Variants in CMBL observed in about 807,000 individuals in gnomAD.
CMBL encodes carboxymethylenebutenolidase homolog (Pseudomonas).
Under a neutral mutation model 28.7 loss-of-function variants are expected in CMBL, and 17 were observed. The ratio of observed to expected loss-of-function variants is 0.59; its 90% CI spans 0.41 to 0.89. CMBL has a LOEUF of 0.89. Among genes scored for constraint, CMBL ranks in the 40% least tolerant of loss-of-function variants. The pLI is 0.00. For missense variants in CMBL, 310 were observed against 298.5 expected (o/e 1.04, Z -0.28); for synonymous variants, 106 against 101.6 (o/e 1.04, Z -0.26).
chr5:10,284,494 G>A (rs1195043780), intron 4 of CMBL, among the ~76,000 whole-genome samples: 1 of 152,146 alleles, frequency 6.6e-6, no homozygotes, highest in African/African-American at 2.4e-5. Flanking sequence ...GTGCACAAGC[G>A]ACACTCATTC....
Position 10,288,608 on chromosome 5 carries a change from T to C in CMBL, c.216-79A>G, listed in dbSNP as rs990794882. 12 of 1,124,162 alleles carry C rather than the reference T, an allele frequency of 1.1e-5. No individual in the cohort carries two copies. The Admixed American group carries it at 1.6e-4, about 15-fold the overall frequency. 69.6% of individuals were successfully genotyped at this position (1,124,162 alleles called of 1,614,324 possible). ...TTTTGCTTGCATTTATTTAAAAACT[T>C]GCTACGTTGGCGATTCTGGCTCAGA... is the stretch of plus-strand genomic sequence containing the variant. On this transcript the variant is annotated intron_variant, in intron 2 of 5. Coordinates refer to ENST00000296658, the MANE Select transcript of CMBL (RefSeq NM_138809.4).
chr5:10,288,922 C>G (rs1479909674), intron 2 of CMBL, among the ~76,000 whole-genome samples: 1 of 152,220 alleles, frequency 6.6e-6, no homozygotes, highest in Non-Finnish European at 1.5e-5. Context: ...ACATGAGCCT[C>G]AGGCCAGAGG....
At chr5:10,298,628 C>T (rs1338712616) in intron 1 of CMBL, among the ~76,000 whole-genome samples, 2 of 152,178 alleles carry the variant, frequency 1.3e-5, no homozygotes, top group African/African-American at 2.4e-5. Flanking sequence ...TGCGGTGGCT[C>T]ACACCTGTAA....
rs1026572964 is a variant in CMBL at position 10,279,574 on chromosome 5, C to T, written c.*879G>A. 2 of 151,598 alleles carry T rather than the reference C, an allele frequency of 1.3e-5. No individual in the cohort carries two copies. Among genetic ancestry groups the T allele is most frequent in the Non-Finnish European group, 2.9e-5 (2 of 68,000 alleles). 9.4% of individuals were successfully genotyped at this position (151,598 alleles called of 1,614,324 possible). On this transcript the variant is annotated 3_prime_UTR_variant, in exon 6 of 6. Coordinates refer to ENST00000296658, the MANE Select transcript of CMBL (RefSeq NM_138809.4). Reference sequence around the variant, plus strand: ...TTTTTTTTTTTGAGACAGAGTCTCCCTCTGTTGTCCAGGCTGGAGTGCAGT... The same window carrying T: ...TTTTTTTTTTTGAGACAGAGTCTCCTTCTGTTGTCCAGGCTGGAGTGCAGT...
chr5:10,296,962 G>T lies in CMBL; in HGVS notation c.-19-6181C>A, dbSNP rs543334543. Among the ~76,000 whole-genome samples, 3 of 151,660 alleles carry T rather than the reference G, an allele frequency of 2.0e-5. No homozygotes were observed. In the South Asian group the frequency reaches 6.3e-4, roughly 32 times the overall value. On this transcript the variant is annotated intron_variant, in intron 1 of 5. Transcript: ENST00000296658. ...CACTTTAAGAGGCCAAAGTGGGTGG[G>T]TTGCTTGAGGCCTGGAGTTCAAAAC... is the stretch of plus-strand genomic sequence containing the variant.
chr5:10,280,923 G>A (rs1284806108), intron 5 of CMBL, among the ~76,000 whole-genome samples: 1 of 152,144 alleles, frequency 6.6e-6, no homozygotes, highest in Non-Finnish European at 1.5e-5. Flanking sequence ...ACAGGCACCC[G>A]CCACCATGCC....
At chr5:10,284,109 C>T (rs919057197) in intron 4 of CMBL, among the ~76,000 whole-genome samples, 2 of 152,202 alleles carry the variant, frequency 1.3e-5, no homozygotes, top group Admixed American at 6.5e-5. Flanking sequence ...GTGGATGGGC[C>T]TCTTTTGATA....
intron 1 of CMBL, among the ~76,000 whole-genome samples, chr5:10,304,557 G>A (rs1746965176): frequency 6.6e-6 from 1 of 152,232 alleles, no homozygotes; most frequent in Non-Finnish European, 1.5e-5. Context: ...TTTGCGGGCT[G>A]CAACACTTTA....
At position 10,286,356 on chromosome 5, in the gene CMBL, T is replaced by C. The variant is rs35489000; in HGVS notation, c.464A>G (p.Tyr155Cys). 1,304 of 1,613,726 alleles carry C rather than the reference T, an allele frequency of 8.1e-4. 9 individuals carry two copies. The African/African-American group carries it at 0.016, about 20-fold the overall frequency. Residue 155 changes from tyrosine to cysteine, a missense_variant and splice_region_variant, in exon 4 of 6, where the codon TAT becomes TGT. By Grantham distance (194) the Tyr-to-Cys change is radical. Transcript: ENST00000296658. The stretch of plus-strand genomic sequence containing the variant: ...AAAAATGCACAAGGCAGATTTACCA[T>C]AGACGGACACCCCTGCCCTGAATTC... ...YSEFRAGVSV[Y>C]GIVKDSEDIY...
In CMBL at chr5:10,279,095, G is replaced by A. The variant is rs1278083833; in HGVS notation, c.*1358C>T. ...TACGCACCCCGTAGGTGCAGGTGCAGAGTTTCTCACCGGCTCTCCCCTTTA... is the reference window on the plus strand; with the variant it reads ...TACGCACCCCGTAGGTGCAGGTGCAAAGTTTCTCACCGGCTCTCCCCTTTA... On this transcript the variant is annotated 3_prime_UTR_variant, in exon 6 of 6. Transcript: ENST00000296658. 1.3e-5 allele frequency among the ~76,000 whole-genome samples: 2 copies of A among 152,174 alleles called. No homozygotes were observed. The highest frequency in any genetic ancestry group is 4.8e-5 in the African/African-American group (2 of 41,432).
chr5:10,295,086 T>A (rs1044621375), intron 1 of CMBL, among the ~76,000 whole-genome samples: 1 of 109,176 alleles, frequency 9.2e-6, no homozygotes, highest in Non-Finnish European at 1.8e-5. Context: ...TACTTGCTGA[T>A]TTTTTTTTTT....
At chr5:10,288,310 C>A in intron 3 of CMBL, 112 bp downstream of exon 3, 1 of 776,266 alleles carries the variant, frequency 1.3e-6, no homozygotes, top group Non-Finnish European at 2.2e-6. Flanking sequence ...TTCCATTGGC[C>A]ATGGAGAAGT....
At chr5:10,301,025 G>A (rs1404198983) in intron 1 of CMBL, among the ~76,000 whole-genome samples, 1 of 151,840 alleles carries the variant, frequency 6.6e-6, no homozygotes, top group African/African-American at 2.4e-5. Flanking sequence ...TAAATATACT[G>A]TAGGAAAAGT....
At chr5:10,301,705 G>A (rs550986634) in intron 1 of CMBL, among the ~76,000 whole-genome samples, 3 of 148,270 alleles carry the variant, frequency 2.0e-5, no homozygotes, top group African/African-American at 7.5e-5. Flanking sequence ...AGGTTCAAGC[G>A]ATTCTCCTGC....
At position 10,286,369 on chromosome 5, in the gene CMBL, C is replaced by T. The variant is rs777150555; in HGVS notation, c.451G>A (p.Gly151Arg). The T allele has an allele frequency of 1.2e-6, 2 of 1,613,996 alleles. No homozygotes were observed. Among genetic ancestry groups the T allele is most frequent in the Non-Finnish European group, 1.7e-6 (2 of 1,179,910 alleles). ...GCAGATTTACCATAGACGGACACCCCTGCCCTGAATTCTGAGTATTTCATC... is the reference window on the plus strand; with the variant it reads ...GCAGATTTACCATAGACGGACACCCTTGCCCTGAATTCTGAGTATTTCATC... ...LMMKYSEFRA[G>R]VSVYGIVKDS... Residue 151 changes from glycine (G) to arginine (R), a missense_variant, in exon 4 of 6, where the codon GGG (glycine) becomes AGG (arginine). Physicochemically the swap from Gly to Arg is moderately radical, Grantham distance 125. Coordinates refer to ENST00000296658, the MANE Select transcript of CMBL (RefSeq NM_138809.4).
intron 4 of CMBL, among the ~76,000 whole-genome samples, chr5:10,282,571 T>C (rs767258934): frequency 6.3e-4 from 95 of 151,340 alleles, no homozygotes; most frequent in Admixed American, 1.1e-3. Flanking sequence ...TGGCTTGGGC[T>C]CAGGAGTTTG....
chr5:10,286,558 G>A lies in CMBL; in HGVS notation c.324-62C>T, dbSNP rs1746608099. On this transcript the variant is annotated intron_variant, in intron 3 of 5. Coordinates refer to ENST00000296658, the MANE Select transcript of CMBL (RefSeq NM_138809.4). The stretch of plus-strand genomic sequence containing the variant: ...TATTTTGTGAACCCCTCAAAGAGCT[G>A]TGCTGATGATAACAGGGCTGTATCA... 6.6e-6 allele frequency: 10 copies of A among 1,510,828 alleles called. No individual in the cohort carries two copies. In the Admixed American group the frequency reaches 1.3e-4, roughly 19 times the overall value. The allele number at this position is 1,510,828 out of a possible 1,614,324, so 93.6% of individuals were successfully genotyped here.
intron 1 of CMBL, 45 bp from the exon 2 acceptor site, chr5:10,290,826 T>C: frequency 7.2e-7 from 1 of 1,396,202 alleles, no homozygotes; most frequent in Non-Finnish European, 1.0e-6. Flanking sequence ...GCTGCAAATC[T>C]AAAGGCTATA....
At chr5:10,297,947 T>C (rs1746837196) in intron 1 of CMBL, among the ~76,000 whole-genome samples, 1 of 151,618 alleles carries the variant, frequency 6.6e-6, no homozygotes, top group Admixed American at 6.6e-5. Flanking sequence ...CAGCTCAGGG[T>C]GAGAGGCGGG....
Sources: allele counts gnomAD v4.1 joint callset (sites outside exome capture counted in the v4.1 genomes callset), GRCh38; gene constraint gnomAD v4.1.1; transcripts MANE v1.5; gene names NCBI Gene and HGNC (gene_info 2026-07-23, HGNC 2026-07-21).